The following DCC variants were observed in gnomAD, a reference collection of about 807,000 sequenced individuals.
DCC encodes the protein DCC netrin 1 receptor, also known as netrin receptor DCC.
Under a neutral mutation model 172.5 loss-of-function variants are expected in DCC, and 58 were observed. The ratio of observed to expected loss-of-function variants is 0.34; its 90% CI spans 0.27 to 0.42. DCC has a LOEUF of 0.42. Among genes scored for constraint, DCC ranks in the 10% least tolerant of loss-of-function variants. DCC has a pLI of 1.00. For synonymous variants in DCC, 709 were observed against 644.5 expected (o/e 1.10, Z -1.52); for missense variants, 1,740 against 1,791.0 (o/e 0.97, Z 0.51).
chr18:52,509,235 T>C (rs949224933), intron 1 of DCC, among the ~76,000 whole-genome samples: 33 of 152,356 alleles, frequency 2.2e-4, no homozygotes, highest in African/African-American at 7.5e-4. Context: ...GGTATTACTA[T>C]TTTAGCTCAT....
At chr18:53,222,358 T>A (rs1427267422) in intron 12 of DCC, among the ~76,000 whole-genome samples, 2 of 130,082 alleles carry the variant, frequency 1.5e-5, no homozygotes, top group Non-Finnish European at 3.4e-5. Flanking sequence ...AATACTTACC[T>A]TTTTCTTTTT....
intron 5 of DCC, among the ~76,000 whole-genome samples, chr18:53,000,410 G>A (rs8087704): frequency 0.022 from 3,418 of 151,950 alleles, 51 homozygotes; most frequent in Middle Eastern, 0.051. Flanking sequence ...TGTAAGGAGG[G>A]ATTGGGAAAC....
At chr18:52,782,243 T>C (rs991706434) in intron 2 of DCC, among the ~76,000 whole-genome samples, 4 of 152,134 alleles carry the variant, frequency 2.6e-5, no homozygotes, top group African/African-American at 9.7e-5. Context: ...TGCAGTGCAT[T>C]TTAAAAGCTT....
intron 5 of DCC, among the ~76,000 whole-genome samples, chr18:52,956,418 C>T (rs773547189): frequency 2.6e-5 from 4 of 151,930 alleles, no homozygotes; most frequent in Non-Finnish European, 5.9e-5. Context: ...AGCTCTCTGT[C>T]CTGTTCCATT....
At chr18:52,471,890 T>A (rs1988956820) in intron 1 of DCC, among the ~76,000 whole-genome samples, 1 of 152,174 alleles carries the variant, frequency 6.6e-6, no homozygotes, top group Non-Finnish European at 1.5e-5. Flanking sequence ...ATATTCTGTC[T>A]TATGTGAAGG....
At position 52,386,113 on chromosome 18, in the gene DCC, T is replaced by C. The variant is rs189258723; in HGVS notation, c.91+45235T>C. Among the ~76,000 whole-genome samples the C allele has an allele frequency of 7.2e-5, 11 of 152,210 alleles. No individual in the cohort carries two copies. The East Asian group carries it at 1.7e-3, about 24-fold the overall frequency. On this transcript the variant is annotated intron_variant, in intron 1 of 28. Coordinates refer to ENST00000442544, the MANE Select transcript of DCC (RefSeq NM_005215.4). ...AGAACTCAATATTAGCCAACATTAA[T>C]GTTATTTTCCCATTTCACAGGTGAG...
intron 1 of DCC, among the ~76,000 whole-genome samples, chr18:52,519,642 CT>C (rs1269197971): frequency 6.6e-6 from 1 of 152,156 alleles, no homozygotes; most frequent in Non-Finnish European, 1.5e-5. Flanking sequence ...TGTGTTGAAT[CT>C]TTTTGCTCTA....
chr18:53,073,475 G>A (rs1366423355), intron 7 of DCC, among the ~76,000 whole-genome samples: 2 of 152,110 alleles, frequency 1.3e-5, no homozygotes, highest in Non-Finnish European at 2.9e-5. Flanking sequence ...GCAGTGAGCC[G>A]AGATAGCACC....
At chr18:53,526,251 T>C (rs2144616052) in intron 27 of DCC, among the ~76,000 whole-genome samples, 1 of 152,266 alleles carries the variant, frequency 6.6e-6, no homozygotes, top group East Asian at 1.9e-4. Flanking sequence ...AGGGCTCATT[T>C]AGGTGGTTTA....
intron 7 of DCC, among the ~76,000 whole-genome samples, chr18:53,138,899 T>G (rs575483388): frequency 2.0e-5 from 3 of 152,178 alleles, no homozygotes; most frequent in Admixed American, 2.0e-4. Flanking sequence ...CACGCAATAT[T>G]CACTTTCTAA....
intron 1 of DCC, among the ~76,000 whole-genome samples, chr18:52,484,341 T>C (rs2030105174): frequency 6.6e-6 from 1 of 152,086 alleles, no homozygotes; most frequent in Non-Finnish European, 1.5e-5. Flanking sequence ...CTCTGGCCAT[T>C]ATTTTCCATT....
chr18:52,412,835 ATTC>A (rs1598797889), intron 1 of DCC, among the ~76,000 whole-genome samples: 1 of 152,044 alleles, frequency 6.6e-6, no homozygotes, highest in East Asian at 1.9e-4. Context: ...AATCTTTTTT[ATTC>A]TTTTGCATTT....
chr18:53,529,032 TCTCTCTCACACACACA>T (rs1164256992), intron 28 of DCC, among the ~76,000 whole-genome samples: 1 of 65,198 alleles, frequency 1.5e-5, no homozygotes, highest in East Asian at 1.0e-3. Flanking sequence ...TCTCTCTCTC[TCTCTCTCACACACACA>T]CACACACACA....
intron 14 of DCC, among the ~76,000 whole-genome samples, chr18:53,327,562 C>T (rs554424910): frequency 6.6e-6 from 1 of 152,196 alleles, no homozygotes; most frequent in Non-Finnish European, 1.5e-5. Context: ...TATCAAAAGT[C>T]GGCAGTGCAG....
chr18:52,429,873 T>C (rs559477234), intron 1 of DCC, among the ~76,000 whole-genome samples: 2 of 152,254 alleles, frequency 1.3e-5, no homozygotes, highest in African/African-American at 4.8e-5. Context: ...CAGATTTTGC[T>C]CTAACAAGTC....
intron 2 of DCC, among the ~76,000 whole-genome samples, chr18:52,871,782 A>G (rs1231707442): frequency 6.6e-6 from 1 of 152,224 alleles, no homozygotes; most frequent in Non-Finnish European, 1.5e-5. Flanking sequence ...CTAGGAGGAA[A>G]GGGACCAAAA....
At chr18:52,543,789 TCCAGCCCTAGCCTTGC>T (rs1456545571) in intron 1 of DCC, among the ~76,000 whole-genome samples, 1 of 152,146 alleles carries the variant, frequency 6.6e-6, no homozygotes, top group Admixed American at 6.6e-5. Flanking sequence ...AGAGCTGGGA[TCCAGCCCTAGCCTTGC>T]CCATTGAGCT....
chr18:52,539,143 G>A (rs1001984566), intron 1 of DCC, among the ~76,000 whole-genome samples: 2 of 152,110 alleles, frequency 1.3e-5, no homozygotes, highest in Non-Finnish European at 2.9e-5. Context: ...TACATTTTGA[G>A]TTTCTTCTTC....
chr18:53,406,431 G>A (rs550191999), intron 19 of DCC, among the ~76,000 whole-genome samples: 18 of 151,028 alleles, frequency 1.2e-4, no homozygotes, highest in African/African-American at 2.4e-4. Flanking sequence ...GAGGCCAGGC[G>A]TAGTAGCTCA....
Sources: allele counts gnomAD v4.1 joint callset (sites outside exome capture counted in the v4.1 genomes callset), GRCh38; gene constraint gnomAD v4.1.1; transcripts MANE v1.5; gene names NCBI Gene and HGNC (gene_info 2026-07-23, HGNC 2026-07-21).